The following CDK17 variants were observed in gnomAD, a reference collection of about 807,000 sequenced individuals.
CDK17 encodes cyclin dependent kinase 17.
In CDK17, 24 loss-of-function variants were observed where a neutral mutation model predicts 77.6. That is an observed-to-expected ratio of 0.31 (90% CI 0.22 to 0.44). CDK17 has a LOEUF of 0.44. CDK17 is among the 20% of genes least tolerant of loss of function. The probability of loss-of-function intolerance (pLI) is 1.00; values close to 1 mark genes in which losing one functional copy is unlikely to be tolerated. For missense variants in CDK17, 429 were observed against 622.5 expected (o/e 0.69, Z 3.31); for synonymous variants, 203 against 210.4 (o/e 0.96, Z 0.30).
At chr12:96,379,061 AAG>A (rs551765248) in intron 1 of CDK17, among the ~76,000 whole-genome samples, 205 of 152,324 alleles carry the variant, frequency 1.3e-3, no homozygotes, top group African/African-American at 4.8e-3. Context: ...AAGAAAGAAA[AAG>A]ATATTAATTT....
In CDK17 at chr12:96,362,084, T is replaced by C. The variant is rs186723059; in HGVS notation, c.-29-27219A>G. Among the ~76,000 whole-genome samples the C allele has an allele frequency of 4.4e-3, 663 of 152,320 alleles. 5 individuals carry two copies. Among genetic ancestry groups the C allele is most frequent in the Middle Eastern group, 0.024 (7 of 294 alleles). Reference sequence around the variant, plus strand: ...CACATTTCACCAAATCTATAGAATATAGCATTACTGAATAAACGAAAGAAA... The same window carrying C: ...CACATTTCACCAAATCTATAGAATACAGCATTACTGAATAAACGAAAGAAA... On this transcript the variant is annotated intron_variant, in intron 1 of 16. Transcript: ENST00000261211.
chr12:96,331,177 C>A (rs1271509384), intron 2 of CDK17, among the ~76,000 whole-genome samples: 1 of 152,110 alleles, frequency 6.6e-6, no homozygotes, highest in Non-Finnish European at 1.5e-5. Context: ...TCCTTACCTC[C>A]AGTGATCTGC....
At chr12:96,385,165 A>G (rs1953952288) in intron 1 of CDK17, among the ~76,000 whole-genome samples, 1 of 152,056 alleles carries the variant, frequency 6.6e-6, no homozygotes, top group South Asian at 2.1e-4. Context: ...TACAAAAATT[A>G]GCCAGGCGTG....
chr12:96,384,309 ATAAGT>A (rs1469869065), intron 1 of CDK17, among the ~76,000 whole-genome samples: 4 of 152,218 alleles, frequency 2.6e-5, no homozygotes, highest in Non-Finnish European at 4.4e-5. Context: ...TGGTAGGAAT[ATAAGT>A]TAAGTTAGGT....
chr12:96,326,610 A>T (rs1952894630), intron 2 of CDK17, among the ~76,000 whole-genome samples: 1 of 152,232 alleles, frequency 6.6e-6, no homozygotes, highest in Non-Finnish European at 1.5e-5. Context: ...CAGAATCATC[A>T]AGGATCTGTA....
chr12:96,297,507 A>C, intron 8 of CDK17, 120 bp downstream of exon 8: 1 of 820,996 alleles, frequency 1.2e-6, no homozygotes, highest in Non-Finnish European at 2.0e-6. Context: ...GGGCTGTTAA[A>C]AAGTCCAATT....
intron 2 of CDK17, among the ~76,000 whole-genome samples, chr12:96,333,375 C>A (rs1478831521): frequency 6.6e-6 from 1 of 151,898 alleles, no homozygotes; most frequent in African/African-American, 2.4e-5. Context: ...ATGACAAAAA[C>A]AAAACAAGGC....
chr12:96,391,349 G>T (rs1194136975), intron 1 of CDK17, among the ~76,000 whole-genome samples: 1 of 151,066 alleles, frequency 6.6e-6, no homozygotes, highest in Non-Finnish European at 1.5e-5. Context: ...GAGTGCAGTG[G>T]TGTGATCTCA....
rs547375955 is a variant in CDK17, at chr12:96,348,644, T to C, written c.-29-13779A>G. 2.0e-5 allele frequency among the ~76,000 whole-genome samples: 3 copies of C among 151,110 alleles called. No individual in the cohort carries two copies. In the East Asian group the frequency reaches 5.8e-4, roughly 29 times the overall value. On this transcript the variant is annotated intron_variant, in intron 1 of 16. Transcript: ENST00000261211. ...TAAAATCAGAAAGTGGAAACATCAC[T>C]ACCAATTATACAGAAATAAAACGGA... is the stretch of plus-strand genomic sequence containing the variant.
intron 1 of CDK17, among the ~76,000 whole-genome samples, chr12:96,336,955 T>C (rs1413328119): frequency 1.3e-5 from 2 of 152,244 alleles, no homozygotes; most frequent in Admixed American, 6.5e-5. Flanking sequence ...CTTGATCTTT[T>C]TGTATGCTTA....
chr12:96,336,248 G>A (rs1383820265), intron 1 of CDK17, among the ~76,000 whole-genome samples: 5 of 152,000 alleles, frequency 3.3e-5, no homozygotes, highest in Non-Finnish European at 7.4e-5. Flanking sequence ...GATCTCTTGG[G>A]GTCAGGAGGT....
At chr12:96,354,163 C>T (rs1432086879) in intron 1 of CDK17, among the ~76,000 whole-genome samples, 1 of 152,092 alleles carries the variant, frequency 6.6e-6, no homozygotes, top group Non-Finnish European at 1.5e-5. Context: ...AGAAACAGAG[C>T]CTGAAGAGGC....
At chr12:96,289,391 A>G (rs1263265146) in intron 10 of CDK17, 104 bp from the exon 11 acceptor site, 1 of 1,281,092 alleles carries the variant, frequency 7.8e-7, no homozygotes, top group Non-Finnish European at 1.1e-6. Flanking sequence ...GAAATGGTTA[A>G]TTCGTAGCTT....
At position 96,400,270 on chromosome 12, in the gene CDK17, A is replaced by C; in HGVS notation, c.-314T>G. 2.5e-6 allele frequency: 1 copy of C among 392,586 alleles called. No homozygotes were observed. The highest frequency in any genetic ancestry group is 3.6e-5 in the East Asian group (1 of 27,638). 24.3% of individuals were successfully genotyped at this position (392,586 alleles called of 1,614,324 possible). On this transcript the variant is annotated 5_prime_UTR_variant, in exon 1 of 17. Transcript: ENST00000261211. ...GCGGACGGCCCACTAATCCCCTCGG[A>C]GCAGCCGGGCGCGAGCGCGGCGGGC...
intron 1 of CDK17, among the ~76,000 whole-genome samples, chr12:96,354,519 G>C (rs1953365129): frequency 6.6e-6 from 1 of 152,156 alleles, no homozygotes; most frequent in Non-Finnish European, 1.5e-5. Context: ...TATCAAGTCT[G>C]ATCACATGAA....
At chr12:96,367,986 A>G (rs1009952048) in intron 1 of CDK17, among the ~76,000 whole-genome samples, 1 of 152,204 alleles carries the variant, frequency 6.6e-6, no homozygotes, top group Admixed American at 6.5e-5. Flanking sequence ...GCCATATAAC[A>G]CAGGTAAGAA....
At chr12:96,327,164 T>C (rs749126609) in intron 2 of CDK17, among the ~76,000 whole-genome samples, 7 of 152,222 alleles carry the variant, frequency 4.6e-5, no homozygotes, top group African/African-American at 7.2e-5. Flanking sequence ...CTGGGTTCTA[T>C]AGTTACATAA....
intron 1 of CDK17, among the ~76,000 whole-genome samples, chr12:96,356,469 G>C (rs897662782): frequency 6.6e-6 from 1 of 152,072 alleles, no homozygotes; most frequent in Non-Finnish European, 1.5e-5. Context: ...GCTAATATTT[G>C]TTTTTGTAGA....
rs1315592142 is a variant in CDK17, at chr12:96,400,043, C to G, written c.-87G>C. On this transcript the variant is annotated 5_prime_UTR_variant, in exon 1 of 17. Coordinates refer to ENST00000261211, the MANE Select transcript of CDK17 (RefSeq NM_002595.5). ...AGGCGAAGAGAGGCGCGGGGGGAAG[C>G]TGCTCCGCGGACGCCCGCGGCGACC... 8 of 386,804 alleles carry G rather than the reference C, an allele frequency of 2.1e-5. No homozygotes were observed. Among genetic ancestry groups the G allele is most frequent in the Non-Finnish European group, 3.7e-5 (8 of 218,876 alleles). 24.0% of individuals were successfully genotyped at this position (386,804 alleles called of 1,614,324 possible). A position where few individuals can be genotyped will look rare whatever the true frequency, so the allele number is the denominator to read the frequency against.
Sources: allele counts gnomAD v4.1 joint callset (sites outside exome capture counted in the v4.1 genomes callset), GRCh38; gene constraint gnomAD v4.1.1; transcripts MANE v1.5; gene names NCBI Gene and HGNC (gene_info 2026-07-23, HGNC 2026-07-21).